Variants in SYBU observed in about 807,000 individuals in gnomAD.
The protein encoded by SYBU is syntabulin, also known as GOLSYN A protein.
Under a neutral mutation model 35.9 loss-of-function variants are expected in SYBU, and 21 were observed. That is an observed-to-expected ratio of 0.58 (90% CI 0.41 to 0.84). The LOEUF is 0.84. Among genes scored for constraint, SYBU ranks in the 40% least tolerant of loss-of-function variants. The pLI is 0.00. For missense variants in SYBU, 768 were observed against 848.2 expected (o/e 0.91, Z 1.17); for synonymous variants, 319 against 324.3 (o/e 0.98, Z 0.18).
intron 1 of SYBU, among the ~76,000 whole-genome samples, chr8:109,668,341 A>G (rs1249340374): frequency 7.9e-5 from 12 of 152,176 alleles, no homozygotes; most frequent in Non-Finnish European, 1.8e-4. Flanking sequence ...CTATTTTTAC[A>G]TTAAGATTCT....
intron 4 of SYBU, among the ~76,000 whole-genome samples, chr8:109,583,064 A>C (rs1258101406): frequency 6.6e-6 from 1 of 152,128 alleles, no homozygotes; most frequent in East Asian, 1.9e-4. Context: ...TATAATCACT[A>C]CCACCATGAT....
upstream of SYBU, among the ~76,000 whole-genome samples, chr8:109,685,352 T>A (rs1490800976): frequency 6.6e-6 from 1 of 152,248 alleles, no homozygotes; most frequent in Non-Finnish European, 1.5e-5. Context: ...TCTTCTTAAG[T>A]GGGTAGCTGT....
intron 1 of SYBU, among the ~76,000 whole-genome samples, chr8:109,666,623 C>T (rs1238311158): frequency 6.6e-6 from 1 of 152,088 alleles, no homozygotes; most frequent in Non-Finnish European, 1.5e-5. Flanking sequence ...TGCCTGTAAT[C>T]CTTGCTATTT....
At chr8:109,617,053 T>C (rs780561277) in intron 3 of SYBU, among the ~76,000 whole-genome samples, 2 of 152,076 alleles carry the variant, frequency 1.3e-5, no homozygotes, top group Admixed American at 6.6e-5. Flanking sequence ...GGAGAATCCA[T>C]TGAACCTTGG....
At chr8:109,576,260 T>C (rs1347835123) in intron 6 of SYBU, among the ~76,000 whole-genome samples, 3 of 152,174 alleles carry the variant, frequency 2.0e-5, no homozygotes, top group African/African-American at 7.2e-5. Flanking sequence ...GGAGATTAGC[T>C]GTGAACTTTC....
intron 1 of SYBU, among the ~76,000 whole-genome samples, chr8:109,677,435 G>T (rs979764459): frequency 1.2e-4 from 18 of 152,096 alleles, no homozygotes; most frequent in Non-Finnish European, 2.5e-4. Context: ...ATTATTTGAA[G>T]TAAATTGCAA....
chr8:109,642,973 G>A (rs375785359), intron 1 of SYBU, 41 bp from the exon 2 acceptor site: 6 of 1,452,764 alleles, frequency 4.1e-6, no homozygotes, highest in South Asian at 3.1e-5. Context: ...AAGGAAACGC[G>A]TTTCCCTCTC....
intron 3 of SYBU, among the ~76,000 whole-genome samples, chr8:109,601,783 T>C (rs1002316205): frequency 6.6e-6 from 1 of 152,190 alleles, no homozygotes; most frequent in African/African-American, 2.4e-5. Context: ...GAGTCCCTTG[T>C]ATGGCTAGAA....
intron 1 of SYBU, among the ~76,000 whole-genome samples, chr8:109,676,742 T>C (rs915465461): frequency 6.6e-6 from 1 of 152,184 alleles, no homozygotes; most frequent in Non-Finnish European, 1.5e-5. Flanking sequence ...AATTTCTGGA[T>C]TGAGATTCAG....
chr8:109,690,759 C>G (rs1447792312), intron 1 of SYBU, among the ~76,000 whole-genome samples: 1 of 152,180 alleles, frequency 6.6e-6, no homozygotes, highest in Non-Finnish European at 1.5e-5. Flanking sequence ...AGGTTTTGAG[C>G]TCATCAACGT....
Position 109,574,638 on chromosome 8 carries a change from T to G in SYBU, c.*268A>C, listed in dbSNP as rs1822001950. On this transcript the variant is annotated 3_prime_UTR_variant, in exon 7 of 7. Transcript: ENST00000276646. ...GTTTTCTCTTCCTGAACCACTAGGA[T>G]AAGAACGGGTACCTCAGACGACACG... The G allele has an allele frequency of 2.9e-6, 1 of 350,178 alleles. No individual in the cohort carries two copies. Among genetic ancestry groups the G allele is most frequent in the Non-Finnish European group, 5.1e-6 (1 of 194,724 alleles). The allele number at this position is 350,178 out of a possible 1,614,324, so 21.7% of individuals were successfully genotyped here.
chr8:109,659,097 A>G (rs1379747560), intron 1 of SYBU, among the ~76,000 whole-genome samples: 2 of 152,192 alleles, frequency 1.3e-5, no homozygotes, highest in Non-Finnish European at 2.9e-5. Flanking sequence ...GGACATTAGC[A>G]TTTGTGGTTT....
chr8:109,617,710 A>ATT (rs1449226387), intron 3 of SYBU, among the ~76,000 whole-genome samples: 2 of 152,118 alleles, frequency 1.3e-5, no homozygotes, highest in East Asian at 3.8e-4. Context: ...TCTTTTACAT[A>ATT]TTATTCCAAA....
At chr8:109,685,766 G>C (rs1028992112), upstream of SYBU, among the ~76,000 whole-genome samples, 1 of 152,060 alleles carries the variant, frequency 6.6e-6, no homozygotes, top group East Asian at 1.9e-4. Context: ...ATTTGAGGAG[G>C]CATAATTTTT....
At chr8:109,583,126 G>A (rs946970127) in intron 4 of SYBU, among the ~76,000 whole-genome samples, 2 of 152,122 alleles carry the variant, frequency 1.3e-5, no homozygotes, top group Non-Finnish European at 2.9e-5. Context: ...ACAGTACCAT[G>A]TCTCCTAGTA....
chr8:109,618,187 G>C (rs1410026399), intron 3 of SYBU, among the ~76,000 whole-genome samples: 1 of 152,154 alleles, frequency 6.6e-6, no homozygotes. Flanking sequence ...TAAATATACT[G>C]CATGTGTATT....
intron 2 of SYBU, among the ~76,000 whole-genome samples, chr8:109,641,229 C>A (rs974370493): frequency 6.6e-6 from 1 of 152,190 alleles, no homozygotes; most frequent in East Asian, 1.9e-4. Flanking sequence ...ATGGTGGCAC[C>A]TTCAGGAACT....
upstream of SYBU, among the ~76,000 whole-genome samples, chr8:109,685,112 T>G (rs1817491357): frequency 6.6e-6 from 1 of 152,198 alleles, no homozygotes; most frequent in Non-Finnish European, 1.5e-5. Flanking sequence ...AATTACCGAC[T>G]GGGTTACTTA....
upstream of SYBU, chr8:109,645,319 C>A (rs560410130): frequency 4.4e-6 from 2 of 456,728 alleles, no homozygotes; most frequent in Admixed American, 2.3e-5. Flanking sequence ...GCGTCAGGAC[C>A]GACACAGCCT....
Sources: gnomAD v4.1 joint callset for allele counts (sites outside exome capture counted in the v4.1 genomes callset) on GRCh38, gnomAD v4.1.1 for gene constraint, MANE v1.5 for transcripts, NCBI Gene and HGNC (gene_info 2026-07-23, HGNC 2026-07-21) for gene names.